KIAA0319L: variants seen among roughly 807,000 people sequenced by gnomAD.
The protein encoded by KIAA0319L is KIAA0319 like, also known as dyslexia-associated protein KIAA0319-like protein.
A neutral mutation model predicts 120.1 loss-of-function variants in KIAA0319L; 55 were observed. That is an observed-to-expected ratio of 0.46 (90% CI 0.37 to 0.57). The LOEUF is 0.57. KIAA0319L is among the 20% of genes least tolerant of loss of function. KIAA0319L has a pLI of 0.00. For synonymous variants in KIAA0319L, 398 were observed against 471.9 expected (o/e 0.84, Z 2.03); for missense variants, 1,049 against 1,255.3 (o/e 0.84, Z 2.48).
chr1:35,526,733 T>A (rs1646163456), intron 2 of KIAA0319L, among the ~76,000 whole-genome samples: 1 of 152,148 alleles, frequency 6.6e-6, no homozygotes, highest in African/African-American at 2.4e-5. Flanking sequence ...ATTCTTTTTG[T>A]TCAAATTGCT....
chr1:35,527,664 C>A (rs190972928), intron 2 of KIAA0319L, among the ~76,000 whole-genome samples: 2 of 152,180 alleles, frequency 1.3e-5, no homozygotes, highest in East Asian at 3.9e-4. Flanking sequence ...TCAATTTCCT[C>A]TAGGTTTTCC....
At chr1:35,475,067 C>T (rs1015521470) in intron 4 of KIAA0319L, among the ~76,000 whole-genome samples, 161 bp from the exon 5 acceptor site, 2 of 151,996 alleles carry the variant, frequency 1.3e-5, no homozygotes, top group Non-Finnish European at 2.9e-5. Flanking sequence ...TGATTCTGTC[C>T]CCACTTTTCC....
chr1:35,526,345 ACG>A (rs1491149577), intron 2 of KIAA0319L, among the ~76,000 whole-genome samples: 3 of 144,892 alleles, frequency 2.1e-5, no homozygotes, highest in South Asian at 2.1e-4. Flanking sequence ...GTATATATGT[ACG>A]TGTGTGTGTG....
intron 2 of KIAA0319L, among the ~76,000 whole-genome samples, chr1:35,518,777 G>A (rs1316377835): frequency 1.3e-5 from 2 of 152,058 alleles, no homozygotes; most frequent in Non-Finnish European, 2.9e-5. Flanking sequence ...GCCGAGGCAG[G>A]TGGATTACTT....
rs754424275 is a variant in KIAA0319L, at chr1:35,442,330, C to T, written c.2786G>A (p.Ser929Asn). The change falls in exon 19 of 21, where the codon AGC (serine) becomes AAC (asparagine). Residue 929 changes from serine (S) to asparagine (N), a missense_variant. Ser to Asn is a conservative substitution (Grantham distance 46, BLOSUM62 1). Coordinates refer to ENST00000325722, the MANE Select transcript of KIAA0319L (RefSeq NM_024874.5). ...GGTAGCAATGATAACATATAACACGCTCCACTCTGCCAAGAAAATCAAAAT... is the reference window on the plus strand; with the variant it reads ...GGTAGCAATGATAACATATAACACGTTCCACTCTGCCAAGAAAATCAAAAT... ...LRDGDSNCEW[S>N]VLYVIIATFV... is the part of the protein sequence containing the mutation. The T allele has an allele frequency of 6.2e-7, 1 of 1,613,146 alleles. No individual in the cohort carries two copies. Among genetic ancestry groups the T allele is most frequent in the Non-Finnish European group, 8.5e-7 (1 of 1,179,086 alleles).
At chr1:35,537,114 C>A (rs552391061) in intron 2 of KIAA0319L, among the ~76,000 whole-genome samples, 15 of 152,152 alleles carry the variant, frequency 9.9e-5, no homozygotes, top group African/African-American at 3.6e-4. Flanking sequence ...TTTGCCTATA[C>A]ATAAAAGTGG....
In KIAA0319L at chr1:35,499,706, G is replaced by GA. The variant is rs376319288; in HGVS notation, c.666+6905dup. ...AGGAGAAAATGGGTAGCTATGAAGG[G>GA]AAAAAAAAATAAGGAAAGGGTGTTG... On this transcript the variant is annotated intron_variant, in intron 3 of 20. Transcript: ENST00000325722. Among the ~76,000 whole-genome samples, 1,296 of 139,646 alleles carry GA rather than the reference G, an allele frequency of 9.3e-3. 13 individuals are homozygous for GA. Among genetic ancestry groups the GA allele is most frequent in the African/African-American group, 0.032 (1,227 of 37,950 alleles). 91.6% of individuals were successfully genotyped at this position (139,646 alleles called of 152,430 possible). A position where few individuals can be genotyped will look rare whatever the true frequency, so the allele number is the denominator to read the frequency against.
chr1:35,552,300 C>G (rs990526042), intron 2 of KIAA0319L, among the ~76,000 whole-genome samples: 9 of 152,066 alleles, frequency 5.9e-5, no homozygotes, highest in African/African-American at 2.2e-4. Flanking sequence ...AGAGATCGCA[C>G]TGCGCCACTG....
intron 3 of KIAA0319L, among the ~76,000 whole-genome samples, chr1:35,488,976 T>C (rs1377899322): frequency 6.6e-6 from 1 of 152,192 alleles, no homozygotes. Flanking sequence ...AAACGAATGG[T>C]AGCTAAAGAT....
chr1:35,444,281 G>C lies in KIAA0319L; in HGVS notation c.2536C>G (p.Gln846Glu), dbSNP rs750388192. 1 of 1,605,866 alleles carries C rather than the reference G, an allele frequency of 6.2e-7. No individual in the cohort carries two copies. Among genetic ancestry groups the C allele is most frequent in the Admixed American group, 1.7e-5 (1 of 58,136 alleles). The change falls in exon 17 of 21, where the codon CAA (glutamine) becomes GAA (glutamate). Residue 846 changes from glutamine (Q) to glutamate (E), a missense_variant. Physicochemically the swap from Gln to Glu is conservative, Grantham distance 29. Coordinates refer to ENST00000325722, the MANE Select transcript of KIAA0319L (RefSeq NM_024874.5). ...AAGATCTGGTGGGGAGGCTCGTTTTGAACAAAAAATACCATTTTGGTGCTG... is the reference window on the plus strand; with the variant it reads ...AAGATCTGGTGGGGAGGCTCGTTTTCAACAAAAAATACCATTTTGGTGCTG... Reference protein sequence around the residue: ...EQSTKMVFFVQNEPPHQIFKG... With the variant: ...EQSTKMVFFVENEPPHQIFKG...
intron 3 of KIAA0319L, among the ~76,000 whole-genome samples, chr1:35,489,455 G>A (rs1644510288): frequency 6.6e-6 from 1 of 152,066 alleles, no homozygotes; most frequent in African/African-American, 2.4e-5. Flanking sequence ...CCATGGCACA[G>A]GAAGAAGAAA....
chr1:35,532,758 A>G (rs1405035623), intron 2 of KIAA0319L, among the ~76,000 whole-genome samples: 1 of 152,240 alleles, frequency 6.6e-6, no homozygotes, highest in Non-Finnish European at 1.5e-5. Flanking sequence ...AAAATGGCTT[A>G]CAGTTGGTAG....
intron 2 of KIAA0319L, among the ~76,000 whole-genome samples, chr1:35,515,715 T>C (rs1397474603): frequency 2.1e-4 from 32 of 151,942 alleles, no homozygotes; most frequent in Non-Finnish European, 1.0e-4. Context: ...CGGAGCTGAA[T>C]TGAAGGAAAT....
Position 35,504,345 on chromosome 1 carries a change from T to C in KIAA0319L, c.666+2267A>G, listed in dbSNP as rs372070696. 1.1e-4 allele frequency among the ~76,000 whole-genome samples: 16 copies of C among 152,028 alleles called. No individual in the cohort carries two copies. In the South Asian group the frequency reaches 1.2e-3, roughly 12 times the overall value. ...CCGAGTAGCTGGGACTACAGGCGCC[T>C]GCCACCACGCCCGGCTAACTTTTTG... On this transcript the variant is annotated intron_variant, in intron 3 of 20. Transcript: ENST00000325722.
At chr1:35,538,661 C>T (rs1646676953) in intron 2 of KIAA0319L, among the ~76,000 whole-genome samples, 1 of 147,388 alleles carries the variant, frequency 6.8e-6, no homozygotes, top group Non-Finnish European at 1.5e-5. Context: ...TGAGATAACA[C>T]ATATAAAGAG....
chr1:35,482,766 C>T (rs2149150625), intron 3 of KIAA0319L, among the ~76,000 whole-genome samples: 1 of 152,272 alleles, frequency 6.6e-6, no homozygotes, highest in South Asian at 2.1e-4. Flanking sequence ...TTTTATTTCT[C>T]TTAGGTAAAT....
chr1:35,547,060 T>C (rs1647008981), intron 2 of KIAA0319L, among the ~76,000 whole-genome samples: 1 of 146,342 alleles, frequency 6.8e-6, no homozygotes, highest in Non-Finnish European at 1.5e-5. Context: ...TACATGTTTA[T>C]ATACAAATAG....
intron 5 of KIAA0319L, among the ~76,000 whole-genome samples, chr1:35,472,454 G>C (rs1489615151): frequency 6.6e-6 from 1 of 152,132 alleles, no homozygotes; most frequent in East Asian, 1.9e-4. Context: ...ACCACGTCTG[G>C]CTAATTTTTG....
intron 3 of KIAA0319L, among the ~76,000 whole-genome samples, chr1:35,484,029 ATTAAGGGC>A (rs1166074893): frequency 6.6e-6 from 1 of 152,188 alleles, no homozygotes; most frequent in African/African-American, 2.4e-5. Flanking sequence ...CAGTCATTAT[ATTAAGGGC>A]CCACCCTAAA....
Sources: allele counts gnomAD v4.1 joint callset (sites outside exome capture counted in the v4.1 genomes callset), GRCh38; gene constraint gnomAD v4.1.1; transcripts MANE v1.5; gene names NCBI Gene and HGNC (gene_info 2026-07-23, HGNC 2026-07-21).